TMLHE: variants seen among roughly 807,000 people sequenced by gnomAD.
The protein encoded by TMLHE is trimethyllysine hydroxylase, epsilon, also known as trimethyllysine dioxygenase, mitochondrial.
TMLHE carries 18 observed loss-of-function variants against 25.7 expected under a neutral mutation model. The ratio of observed to expected loss-of-function variants is 0.70; its 90% CI spans 0.48 to 1.04. The LOEUF (loss-of-function observed/expected upper bound fraction) is 1.04, where lower values mean the gene tolerates loss of function less well. TMLHE is among the 50% of genes least tolerant of loss of function. The pLI, the probability that TMLHE is intolerant of heterozygous loss-of-function variation, is 0.00. For missense variants in TMLHE, 236 were observed against 259.0 expected (o/e 0.91, Z 0.61); for synonymous variants, 105 against 97.0 (o/e 1.08, Z -0.49).
intron 2 of TMLHE, among the ~76,000 whole-genome samples, chrX:155,526,102 T>TG (rs201430400): frequency 0.016 from 1,804 of 112,198 alleles, 24 homozygotes; most frequent in South Asian, 0.026. Flanking sequence ...TCCAAGACAA[T>TG]GGGGGGGAAA....
At chrX:155,609,642 G>C (rs782043506) in intron 1 of TMLHE, among the ~76,000 whole-genome samples, 1 of 112,266 alleles carries the variant, frequency 8.9e-6, no homozygotes, top group African/African-American at 3.2e-5. Flanking sequence ...CTACATATCT[G>C]ATAAAGGACT....
intron 1 of TMLHE, among the ~76,000 whole-genome samples, chrX:155,548,557 A>G (rs1233812448): frequency 9.2e-6 from 1 of 109,107 alleles, no homozygotes; most frequent in Non-Finnish European, 1.9e-5. Flanking sequence ...AACATGGTGA[A>G]ACCCTGTCTC....
rs1444588145 is a variant in TMLHE at position 155,571,817 on chromosome X, T to C, written c.-1-26540A>G. ...GGCTAAAAACTCTCAATAAATTAGG[T>C]ATTGATGGGACGTATCTCAAAATAA... On this transcript the variant is annotated intron_variant, in intron 1 of 7. Transcript: ENST00000334398. Among the ~76,000 whole-genome samples, 3 of 51,816 alleles carry C rather than the reference T, an allele frequency of 5.8e-5. 1 individual carries two copies. Among genetic ancestry groups the C allele is most frequent in the Non-Finnish European group, 1.5e-4 (3 of 19,888 alleles). The allele number at this position is 51,816 out of a possible 115,157, so 45.0% of individuals were successfully genotyped here. A position where few individuals can be genotyped will look rare whatever the true frequency, so the allele number is the denominator to read the frequency against.
At position 155,510,950 on chromosome X, in the gene TMLHE, T is replaced by A. The variant is rs782212073; in HGVS notation, c.758+723A>T. Among the ~76,000 whole-genome samples, 28 of 109,960 alleles carry A rather than the reference T, an allele frequency of 2.5e-4. No homozygotes were observed. In the East Asian group the frequency reaches 6.3e-3, roughly 25 times the overall value. On this transcript the variant is annotated intron_variant, in intron 5 of 7. Coordinates refer to ENST00000334398, the MANE Select transcript of TMLHE (RefSeq NM_018196.4). ...TTTTAATGATTGCCATTCTAACTGG[T>A]GTGAGATGGTATCTCATTGTGGTTT... is the stretch of plus-strand genomic sequence containing the variant.
chrX:155,535,302 C>G (rs1246275161), intron 2 of TMLHE, among the ~76,000 whole-genome samples: 1 of 112,079 alleles, frequency 8.9e-6, no homozygotes, highest in Admixed American at 9.4e-5. Flanking sequence ...GCTTAAACAA[C>G]AGATATTTAT....
chrX:155,535,875 G>A lies in TMLHE; in HGVS notation c.181+9221C>T, dbSNP rs188978891. ...ACAAGGGTCTGCACAATGTGGCCCC[G>A]GCTAACCTCTGTAGCATCTTTTGTC... On this transcript the variant is annotated intron_variant, in intron 2 of 7. Coordinates refer to ENST00000334398, the MANE Select transcript of TMLHE (RefSeq NM_018196.4). 4.1e-3 allele frequency among the ~76,000 whole-genome samples: 459 copies of A among 111,821 alleles called. 1 individual carries two copies. Among genetic ancestry groups the A allele is most frequent in the Non-Finnish European group, 7.1e-3 (375 of 53,112 alleles).
At chrX:155,571,254 G>C (rs1420205224) in intron 1 of TMLHE, among the ~76,000 whole-genome samples, 1 of 56,818 alleles carries the variant, frequency 1.8e-5, no homozygotes, top group Non-Finnish European at 4.6e-5. Flanking sequence ...TACATTCCTT[G>C]ACACATACAC....
intron 5 of TMLHE, 24 bp downstream of exon 5, chrX:155,511,649 A>C (rs781809654): frequency 1.4e-5 from 16 of 1,171,243 alleles, no homozygotes; most frequent in Non-Finnish European, 1.8e-5. Flanking sequence ...AAGACTTTAC[A>C]CTGTAAAAGT....
intron 2 of TMLHE, among the ~76,000 whole-genome samples, chrX:155,535,113 G>T: frequency 8.9e-6 from 1 of 111,783 alleles, no homozygotes; most frequent in Non-Finnish European, 1.9e-5. Context: ...AGAACTGTGA[G>T]AAATAAATGT....
chrX:155,606,178 A>G (rs1370291450), intron 1 of TMLHE, among the ~76,000 whole-genome samples: 1 of 111,478 alleles, frequency 9.0e-6, no homozygotes, highest in Non-Finnish European at 1.9e-5. Context: ...TGACAGTATT[A>G]GACAGATCCT....
At chrX:155,549,931 G>C (rs1174325520) in intron 1 of TMLHE, among the ~76,000 whole-genome samples, 1 of 109,129 alleles carries the variant, frequency 9.2e-6, no homozygotes, top group Non-Finnish European at 1.9e-5. Flanking sequence ...GTGCCCATAT[G>C]TTCTCATTGT....
At chrX:155,552,322 C>A (rs2067421070) in intron 1 of TMLHE, among the ~76,000 whole-genome samples, 1 of 109,607 alleles carries the variant, frequency 9.1e-6, no homozygotes, top group African/African-American at 3.4e-5. Flanking sequence ...TTATTTCTTT[C>A]TTAAATTTTG....
chrX:155,555,159 C>G (rs972832441), intron 1 of TMLHE, among the ~76,000 whole-genome samples: 5 of 92,360 alleles, frequency 5.4e-5, no homozygotes, highest in Non-Finnish European at 4.4e-5. Flanking sequence ...TGATAGTTTG[C>G]TGAGAATGGT....
At position 155,533,031 on chromosome X, in the gene TMLHE, G is replaced by A. The variant is rs149918753; in HGVS notation, c.182-8399C>T. On this transcript the variant is annotated intron_variant, in intron 2 of 7. Transcript: ENST00000334398. ...ATAAGTGGCTAAACATTAATTCTGT[G>A]AGAGTGTTTCTGGAGGAAATTAGCA... Among the ~76,000 whole-genome samples the A allele has an allele frequency of 2.1e-4, 24 of 111,936 alleles. No individual in the cohort carries two copies. In the East Asian group the frequency reaches 6.2e-3, roughly 29 times the overall value.
intron 3 of TMLHE, among the ~76,000 whole-genome samples, chrX:155,522,318 C>G (rs73641124): frequency 0.094 from 10,436 of 110,988 alleles, 725 homozygotes; most frequent in African/African-American, 0.24. Flanking sequence ...TGAGCTCTTC[C>G]CCTTCCTTGA....
At chrX:155,536,611 G>C (rs1236155952) in intron 2 of TMLHE, among the ~76,000 whole-genome samples, 2 of 111,399 alleles carry the variant, frequency 1.8e-5, no homozygotes, top group Admixed American at 1.9e-4. Context: ...GAAATCACAG[G>C]AGAAATTAAT....
rs782317425 is a variant in TMLHE at position 155,527,650 on chromosome X, C to T, written c.182-3018G>A. Among the ~76,000 whole-genome samples the T allele has an allele frequency of 4.5e-5, 5 of 110,706 alleles. No individual in the cohort carries two copies. In the South Asian group the frequency reaches 1.9e-3, roughly 42 times the overall value. ...GAAAAGGTAAATAAAGTGTGTGACC[C>T]AATTTACAAAAGAAAAGAAAAAAAT... On this transcript the variant is annotated intron_variant, in intron 2 of 7. Transcript: ENST00000334398.
At chrX:155,513,851 G>A (rs782631894) in intron 4 of TMLHE, 135 bp downstream of exon 4, 2 of 597,498 alleles carry the variant, frequency 3.3e-6, no homozygotes, top group Non-Finnish European at 5.2e-6. Context: ...TACTGCAAGT[G>A]AGAGTCCCTT....
intron 1 of TMLHE, among the ~76,000 whole-genome samples, chrX:155,597,227 C>T (rs1184374142): frequency 9.1e-6 from 1 of 110,262 alleles, no homozygotes; most frequent in Non-Finnish European, 1.9e-5. Context: ...TTTATGGCTG[C>T]ATAGTACACA....
Sources: gnomAD v4.1 joint callset for allele counts (sites outside exome capture counted in the v4.1 genomes callset) on GRCh38, gnomAD v4.1.1 for gene constraint, MANE v1.5 for transcripts, NCBI Gene and HGNC (gene_info 2026-07-23, HGNC 2026-07-21) for gene names.